The following KAZN variants were observed in gnomAD, a reference collection of about 807,000 sequenced individuals.
The protein encoded by KAZN is kazrin.
A neutral mutation model predicts 87.4 loss-of-function variants in KAZN; 40 were observed. The observed-to-expected ratio is 0.46, with a 90% CI of 0.36 to 0.60. The LOEUF (loss-of-function observed/expected upper bound fraction) is 0.60, where lower values mean the gene tolerates loss of function less well. Among genes scored for constraint, KAZN ranks in the 20% least tolerant of loss-of-function variants. The probability of loss-of-function intolerance (pLI) is 0.00; values close to 1 mark genes in which losing one functional copy is unlikely to be tolerated. For synonymous variants in KAZN, 466 were observed against 458.3 expected (o/e 1.02, Z -0.22); for missense variants, 898 against 1,073.9 (o/e 0.84, Z 2.29).
At chr1:15,028,790 G>A (rs1006618814) in intron 2 of KAZN, among the ~76,000 whole-genome samples, 3 of 152,334 alleles carry the variant, frequency 2.0e-5, no homozygotes, top group Admixed American at 6.5e-5. Flanking sequence ...AGCGAGGAGC[G>A]CCCGTGGAAA....
chr1:14,699,912 C>T (rs936668103), intron 1 of KAZN, among the ~76,000 whole-genome samples: 5 of 152,020 alleles, frequency 3.3e-5, no homozygotes, highest in South Asian at 2.1e-4. Context: ...TGAGTTGGCC[C>T]GACACTCACT....
intron 1 of KAZN, chr1:14,946,011 C>A: frequency 3.2e-6 from 2 of 623,700 alleles, no homozygotes; most frequent in Non-Finnish European, 4.0e-6. Flanking sequence ...ATTGGCACAG[C>A]AGCCCTGGGA....
intron 2 of KAZN, among the ~76,000 whole-genome samples, chr1:14,205,444 T>C (rs1442397902): frequency 6.6e-6 from 1 of 152,194 alleles, no homozygotes; most frequent in Non-Finnish European, 1.5e-5. Flanking sequence ...TTCCCATTGT[T>C]CCATGCCCTA....
intron 4 of KAZN, among the ~76,000 whole-genome samples, chr1:15,048,723 G>GTTGATCC (rs1673916347): frequency 6.9e-6 from 1 of 145,308 alleles, no homozygotes; most frequent in African/African-American, 2.7e-5. Context: ...GTCCTGGGTC[G>GTTGATCC]TTGGTCATGG....
At chr1:14,373,144 A>T (rs1660637153) in intron 2 of KAZN, among the ~76,000 whole-genome samples, 1 of 151,716 alleles carries the variant, frequency 6.6e-6, no homozygotes, top group South Asian at 2.1e-4. Context: ...GCTTTCTGGG[A>T]AGTGGATATA....
intron 1 of KAZN, among the ~76,000 whole-genome samples, chr1:14,696,511 A>G (rs1466178609): frequency 6.6e-6 from 1 of 152,240 alleles, no homozygotes; most frequent in Non-Finnish European, 1.5e-5. Flanking sequence ...ATGGGCAGGA[A>G]GAAGCCAGGA....
chr1:14,022,485 CAAAAAAAAAAAAAAAAAAAAAA>C (rs58713618), intron 1 of KAZN, among the ~76,000 whole-genome samples: 1 of 110,480 alleles, frequency 9.1e-6, no homozygotes, highest in Non-Finnish European at 1.8e-5. Context: ...GTATTTAAAG[CAAAAAAAAAAAAAAAAAAAAAA>C]AAAAAAAGAA....
intron 1 of KAZN, among the ~76,000 whole-genome samples, chr1:13,908,428 T>G (rs1348033458): frequency 2.0e-5 from 3 of 151,918 alleles, no homozygotes; most frequent in Non-Finnish European, 2.9e-5. Flanking sequence ...TGACGGCTCT[T>G]TGGTCAAGAA....
rs79989035 is a variant in KAZN, at chr1:14,802,700, A to C, written c.227-157984A>C. 3.9e-3 allele frequency among the ~76,000 whole-genome samples: 590 copies of C among 152,278 alleles called. 5 individuals carry two copies. The highest frequency in any genetic ancestry group is 0.014 in the African/African-American group (564 of 41,552). On this transcript the variant is annotated intron_variant, in intron 1 of 14. Coordinates refer to ENST00000376030, the MANE Select transcript of KAZN (RefSeq NM_201628.3). The stretch of plus-strand genomic sequence containing the variant: ...TCACAGACACTGTTCCAACACCATG[A>C]GTTTACACTGGAGACTTCTTCGTAG...
chr1:14,992,631 C>A (rs1438235863), intron 2 of KAZN, among the ~76,000 whole-genome samples: 1 of 152,044 alleles, frequency 6.6e-6, no homozygotes, highest in Admixed American at 6.6e-5. Context: ...TATCTGGGAG[C>A]CTTTATTGTT....
intron 1 of KAZN, among the ~76,000 whole-genome samples, chr1:14,895,502 C>T (rs1655169745): frequency 6.6e-6 from 1 of 152,234 alleles, no homozygotes; most frequent in Non-Finnish European, 1.5e-5. Context: ...CAGCAGCCTT[C>T]CCCTGGGATC....
chr1:14,742,238 G>T (rs904614310), intron 1 of KAZN, among the ~76,000 whole-genome samples: 1 of 152,164 alleles, frequency 6.6e-6, no homozygotes, highest in South Asian at 2.1e-4. Context: ...CTAGAAGAGG[G>T]CCTGGCTCAT....
At chr1:15,006,857 C>G (rs1359754787) in intron 2 of KAZN, among the ~76,000 whole-genome samples, 30 of 151,866 alleles carry the variant, frequency 2.0e-4, no homozygotes, top group Admixed American at 1.9e-3. Flanking sequence ...AAGATCGAGA[C>G]CATCCTGGCT....
intron 1 of KAZN, among the ~76,000 whole-genome samples, chr1:14,846,056 C>A (rs754581338): frequency 6.6e-6 from 1 of 152,176 alleles, no homozygotes; most frequent in Non-Finnish European, 1.5e-5. Context: ...CCAGGGGAAG[C>A]ATGGACTCTG....
At chr1:14,476,420 T>C (rs1221554753) in intron 2 of KAZN, among the ~76,000 whole-genome samples, 1 of 152,206 alleles carries the variant, frequency 6.6e-6, no homozygotes, top group Non-Finnish European at 1.5e-5. Flanking sequence ...AAATGGCATG[T>C]CACAGAACAG....
intron 1 of KAZN, among the ~76,000 whole-genome samples, chr1:14,846,691 G>A (rs35734709): frequency 0.022 from 3,273 of 152,222 alleles, 36 homozygotes; most frequent in Non-Finnish European, 0.034. Flanking sequence ...TGAGAATCAG[G>A]GGGGAGTTAT....
intron 1 of KAZN, among the ~76,000 whole-genome samples, chr1:14,134,614 C>A (rs532502653): frequency 6.6e-5 from 10 of 152,228 alleles, no homozygotes; most frequent in African/African-American, 2.4e-4. Context: ...TCTGTGTGGG[C>A]AAACATCATA....
intron 1 of KAZN, among the ~76,000 whole-genome samples, chr1:13,968,337 C>G (rs1642016763): frequency 6.6e-6 from 1 of 152,144 alleles, no homozygotes; most frequent in East Asian, 1.9e-4. Flanking sequence ...GGACAGACCT[C>G]CTGGGTTTGT....
chr1:14,368,144 C>T (rs1264139006), intron 2 of KAZN, among the ~76,000 whole-genome samples: 1 of 152,048 alleles, frequency 6.6e-6, no homozygotes, highest in Admixed American at 6.6e-5. Flanking sequence ...TATCTAGGGG[C>T]ATTCAATGTG....
Sources: gnomAD v4.1 joint callset for allele counts (sites outside exome capture counted in the v4.1 genomes callset) on GRCh38, gnomAD v4.1.1 for gene constraint, MANE v1.5 for transcripts, NCBI Gene and HGNC (gene_info 2026-07-23, HGNC 2026-07-21) for gene names.